ACOXL: variants seen among roughly 807,000 people sequenced by gnomAD.
The protein encoded by ACOXL is acyl-coenzyme A oxidase-like protein.
A neutral mutation model predicts 71.9 loss-of-function variants in ACOXL; 70 were observed. That is an observed-to-expected ratio of 0.97 (90% CI 0.80 to 1.19). The LOEUF (loss-of-function observed/expected upper bound fraction) is 1.19, where lower values mean the gene tolerates loss of function less well. ACOXL is among the 50% of genes most tolerant of loss of function. The pLI is 0.00. For missense variants in ACOXL, 703 were observed against 736.3 expected, an observed-to-expected ratio of 0.95 and a Z score of 0.52; for synonymous variants, 253 against 281.6, an observed-to-expected ratio of 0.90 and a Z score of 1.02.
At chr2:110,798,961 T>G in intron 6 of ACOXL, 53 bp from the exon 7 acceptor site, 3 of 1,548,768 alleles carry the variant, frequency 1.9e-6, no homozygotes, top group Non-Finnish European at 2.7e-6. Flanking sequence ...TTCCAGGACA[T>G]GAGTAAAGCT....
rs1362209767 is a variant in ACOXL at position 110,749,831 on chromosome 2, C to T, written c.-23+17057C>T. 2.0e-5 allele frequency among the ~76,000 whole-genome samples: 3 copies of T among 152,220 alleles called. No individual in the cohort carries two copies. The South Asian group carries it at 6.2e-4, about 32-fold the overall frequency. On this transcript the variant is annotated intron_variant, in intron 1 of 17. Transcript: ENST00000439055. ...CTCCAGGGTCCTATCCAGGATGCCACACTGTGTTTTGCTGTCACACGTCCT... is the reference window on the plus strand; with the variant it reads ...CTCCAGGGTCCTATCCAGGATGCCATACTGTGTTTTGCTGTCACACGTCCT...
At chr2:110,799,129 C>T (rs774251332) in intron 7 of ACOXL, 29 bp downstream of exon 7, 2 of 1,591,938 alleles carry the variant, frequency 1.3e-6, no homozygotes, top group South Asian at 1.1e-5. Flanking sequence ...TTTTCCTGTG[C>T]TCACTCTTCC....
intron 9 of ACOXL, among the ~76,000 whole-genome samples, chr2:110,821,901 T>C (rs554891267): frequency 3.0e-4 from 45 of 152,262 alleles, no homozygotes; most frequent in Admixed American, 2.6e-4. Context: ...CTCTTTCAAT[T>C]GGCTCTGTTA....
rs181840371 is a variant in ACOXL, at chr2:110,753,148, C to T, written c.-22-15220C>T. Among the ~76,000 whole-genome samples, 20 of 152,178 alleles carry T rather than the reference C, an allele frequency of 1.3e-4. No homozygotes were observed. In the East Asian group the frequency reaches 3.3e-3, roughly 25 times the overall value. On this transcript the variant is annotated intron_variant, in intron 1 of 17. Coordinates refer to ENST00000439055, the MANE Select transcript of ACOXL (RefSeq NM_001142807.4). ...GTTGTTTAAATGACTCTGGCACCTC[C>T]TCCTCTCTTTCTTACCCCCTCTCTT... is the stretch of plus-strand genomic sequence containing the variant.
At chr2:110,950,172 C>T (rs969199857) in intron 12 of ACOXL, among the ~76,000 whole-genome samples, 6 of 152,048 alleles carry the variant, frequency 3.9e-5, no homozygotes, top group East Asian at 1.9e-4. Flanking sequence ...TGCTAAATGA[C>T]GAGTTAATGG....
chr2:110,784,273 T>C (rs1683679649), intron 2 of ACOXL, among the ~76,000 whole-genome samples: 1 of 151,472 alleles, frequency 6.6e-6, no homozygotes, highest in Non-Finnish European at 1.5e-5. Flanking sequence ...AAAAAAAAGA[T>C]TGTCAACAGA....
intron 14 of ACOXL, among the ~76,000 whole-genome samples, chr2:111,022,319 C>T (rs575588152): frequency 2.6e-5 from 4 of 151,914 alleles, no homozygotes; most frequent in East Asian, 3.9e-4. Flanking sequence ...GAGCCGAGAT[C>T]GTTCCACTGC....
At chr2:110,743,120 T>C (rs546182261) in intron 1 of ACOXL, among the ~76,000 whole-genome samples, 13 of 152,354 alleles carry the variant, frequency 8.5e-5, no homozygotes, top group Admixed American at 5.2e-4. Flanking sequence ...CATGGAGTTG[T>C]GTATTCTGGA....
intron 15 of ACOXL, among the ~76,000 whole-genome samples, chr2:111,049,006 T>C (rs1252192273): frequency 6.6e-6 from 1 of 152,154 alleles, no homozygotes; most frequent in East Asian, 1.9e-4. Context: ...CCTTGTACTC[T>C]ACTGTAATGA....
intron 17 of ACOXL, among the ~76,000 whole-genome samples, chr2:111,113,311 T>G (rs2070121842): frequency 6.6e-6 from 1 of 152,158 alleles, no homozygotes; most frequent in African/African-American, 2.4e-5. Flanking sequence ...CCTGATAGAG[T>G]TGTTATGAGT....
At chr2:110,758,586 A>G (rs930659530) in intron 1 of ACOXL, among the ~76,000 whole-genome samples, 3 of 151,950 alleles carry the variant, frequency 2.0e-5, no homozygotes, top group South Asian at 2.1e-4. Context: ...TTTCTTCCTT[A>G]TTAGTCTAGC....
At chr2:110,750,693 A>G (rs187762655) in intron 1 of ACOXL, among the ~76,000 whole-genome samples, 124 of 150,408 alleles carry the variant, frequency 8.2e-4, no homozygotes, top group African/African-American at 3.0e-3. Flanking sequence ...GTATATATAT[A>G]TATATGTATA....
At chr2:110,779,192 AGT>A (rs1683031250) in intron 2 of ACOXL, among the ~76,000 whole-genome samples, 1 of 152,232 alleles carries the variant, frequency 6.6e-6, no homozygotes, top group Admixed American at 6.5e-5. Context: ...GCTTTCCTGG[AGT>A]AGTCAAAGGC....
chr2:111,017,037 G>A (rs1360369011), intron 14 of ACOXL, among the ~76,000 whole-genome samples: 1 of 152,212 alleles, frequency 6.6e-6, no homozygotes, highest in East Asian at 1.9e-4. Context: ...TGACTGAAGA[G>A]CATACAATTG....
intron 1 of ACOXL, among the ~76,000 whole-genome samples, chr2:110,750,962 A>C (rs986151350): frequency 1.7e-4 from 26 of 152,068 alleles, no homozygotes; most frequent in Non-Finnish European, 3.5e-4. Context: ...TGGGATTACA[A>C]GTGTGAGCCA....
At chr2:110,948,070 T>G (rs2061176587) in intron 12 of ACOXL, among the ~76,000 whole-genome samples, 1 of 152,178 alleles carries the variant, frequency 6.6e-6, no homozygotes, top group African/African-American at 2.4e-5. Flanking sequence ...CTGTTTCTCC[T>G]CAGTGCGTTC....
chr2:110,796,166 C>T lies in ACOXL; in HGVS notation c.345+1992C>T, dbSNP rs1685255875. 3 of 152,130 alleles carry T rather than the reference C, an allele frequency of 2.0e-5. 1 individual carries two copies. In the South Asian group the frequency reaches 6.2e-4, roughly 32 times the overall value. 9.4% of individuals were successfully genotyped at this position (152,130 alleles called of 1,614,324 possible). On this transcript the variant is annotated intron_variant, in intron 5 of 17. Transcript: ENST00000439055. Reference sequence around the variant, plus strand: ...TAAATAAGTGTTCTCTCCCCAAGGACCATTTAAATCTCTTACATGTTTTGG... The same window carrying T: ...TAAATAAGTGTTCTCTCCCCAAGGATCATTTAAATCTCTTACATGTTTTGG...
chr2:110,747,107 C>T (rs539245865), intron 1 of ACOXL, among the ~76,000 whole-genome samples: 1 of 152,130 alleles, frequency 6.6e-6, no homozygotes, highest in African/African-American at 2.4e-5. Flanking sequence ...CTATGAGGAA[C>T]TGGGGGAGGG....
At chr2:110,976,208 C>G (rs1400586228) in intron 12 of ACOXL, among the ~76,000 whole-genome samples, 2 of 152,200 alleles carry the variant, frequency 1.3e-5, no homozygotes, top group Non-Finnish European at 2.9e-5. Flanking sequence ...TGACCACAGA[C>G]CTCTCAAGCA....
Sources: gnomAD v4.1 joint callset for allele counts (sites outside exome capture counted in the v4.1 genomes callset) on GRCh38, gnomAD v4.1.1 for gene constraint, MANE v1.5 for transcripts, NCBI Gene and HGNC (gene_info 2026-07-23, HGNC 2026-07-21) for gene names.